FAF1: variants seen among roughly 807,000 people sequenced by gnomAD.
FAF1 encodes Fas associated factor 1.
A neutral mutation model predicts 92.5 loss-of-function variants in FAF1; 25 were observed. The observed-to-expected ratio is 0.27, with a 90% confidence interval of 0.20 to 0.38. The LOEUF is 0.38. Ranked by LOEUF, FAF1 falls within the 10% of genes least tolerant of loss-of-function variation. The pLI is 1.00. For missense variants in FAF1, 636 were observed against 793.3 expected (o/e 0.80, Z 2.38); for synonymous variants, 234 against 273.2 (o/e 0.86, Z 1.42).
intron 3 of FAF1, among the ~76,000 whole-genome samples, chr1:50,790,833 G>C (rs868856507): frequency 1.4e-3 from 208 of 151,826 alleles, no homozygotes; most frequent in African/African-American, 4.8e-3. Flanking sequence ...CTATTGCTTT[G>C]AACAGTGTTC....
At chr1:50,606,319 C>T (rs952154904) in intron 8 of FAF1, among the ~76,000 whole-genome samples, 5 of 151,768 alleles carry the variant, frequency 3.3e-5, no homozygotes, top group Admixed American at 6.6e-5. Flanking sequence ...TTTTCCATAC[C>T]AAAGATATCC....
intron 7 of FAF1, among the ~76,000 whole-genome samples, chr1:50,677,822 G>A (rs771889416): frequency 1.0e-4 from 15 of 150,088 alleles, no homozygotes; most frequent in Non-Finnish European, 2.2e-4. Flanking sequence ...TTGAACCCAG[G>A]AGGCGGAGGT....
chr1:50,566,015 A>T (rs1264550057), intron 13 of FAF1, among the ~76,000 whole-genome samples: 1 of 152,104 alleles, frequency 6.6e-6, no homozygotes, highest in Non-Finnish European at 1.5e-5. Context: ...AAACAAATAC[A>T]GGTGCTAAAG....
At chr1:50,516,938 G>A (rs1557977693) in intron 15 of FAF1, among the ~76,000 whole-genome samples, 1 of 152,112 alleles carries the variant, frequency 6.6e-6, no homozygotes, top group Non-Finnish European at 1.5e-5. Context: ...CTTTGTCTCA[G>A]TTACACCTGG....
At chr1:50,598,445 A>G (rs920557773) in intron 8 of FAF1, among the ~76,000 whole-genome samples, 1 of 150,688 alleles carries the variant, frequency 6.6e-6, no homozygotes, top group Non-Finnish European at 1.5e-5. Flanking sequence ...CTGGGTGATA[A>G]AGCAAGAACC....
At chr1:50,820,481 A>G (rs528364768) in intron 2 of FAF1, among the ~76,000 whole-genome samples, 3 of 152,190 alleles carry the variant, frequency 2.0e-5, no homozygotes, top group Non-Finnish European at 2.9e-5. Flanking sequence ...TTTTGTGTGC[A>G]TGTGTGTGTG....
chr1:50,840,295 C>T (rs1431046977), intron 2 of FAF1, among the ~76,000 whole-genome samples: 2 of 151,456 alleles, frequency 1.3e-5, no homozygotes, highest in African/African-American at 4.9e-5. Context: ...GTCAAAAGAC[C>T]CCACTAAGAA....
At chr1:50,594,963 T>G (rs940048427) in intron 9 of FAF1, among the ~76,000 whole-genome samples, 2 of 151,836 alleles carry the variant, frequency 1.3e-5, no homozygotes, top group African/African-American at 4.8e-5. Context: ...TTCAATCTTA[T>G]CTGCCCCTTC....
intron 18 of FAF1, chr1:50,452,284 C>G: frequency 1.9e-6 from 1 of 529,886 alleles, no homozygotes. Flanking sequence ...AAACTGGACA[C>G]AGGCAAATTC....
intron 15 of FAF1, among the ~76,000 whole-genome samples, chr1:50,506,565 A>G (rs569287395): frequency 6.6e-5 from 10 of 152,134 alleles, no homozygotes; most frequent in Non-Finnish European, 1.2e-4. Flanking sequence ...TCTGTACTAT[A>G]TTCACACTGT....
chr1:50,519,457 G>GGGAAGGAA (rs568388948), intron 15 of FAF1, among the ~76,000 whole-genome samples: 2 of 146,808 alleles, frequency 1.4e-5, no homozygotes, highest in South Asian at 2.2e-4. Flanking sequence ...GAAGGAGGGA[G>GGGAAGGAA]GGAAGGAAGG....
At chr1:50,924,311 T>C (rs1644987745) in intron 1 of FAF1, among the ~76,000 whole-genome samples, 4 of 148,362 alleles carry the variant, frequency 2.7e-5, no homozygotes, top group Admixed American at 2.7e-4. Context: ...ACCAATCCCA[T>C]TTACAATAGC....
intron 1 of FAF1, among the ~76,000 whole-genome samples, chr1:50,862,354 A>G (rs1000205027): frequency 2.6e-5 from 4 of 151,894 alleles, no homozygotes; most frequent in African/African-American, 9.7e-5. Context: ...AGCTAAAAGA[A>G]ATCAGAGGAA....
intron 6 of FAF1, among the ~76,000 whole-genome samples, chr1:50,736,497 C>G (rs549249051): frequency 1.3e-5 from 2 of 152,266 alleles, no homozygotes; most frequent in African/African-American, 4.8e-5. Context: ...CGCCTGTAAT[C>G]CCAGCACTTT....
intron 18 of FAF1, chr1:50,470,617 T>C (rs1257284816): frequency 1.3e-5 from 2 of 148,302 alleles, no homozygotes; most frequent in African/African-American, 5.3e-5. Flanking sequence ...TCTGCTTCTC[T>C]CTATTTAGTA....
At chr1:50,737,688 C>G (rs1659198237) in intron 6 of FAF1, among the ~76,000 whole-genome samples, 1 of 152,066 alleles carries the variant, frequency 6.6e-6, no homozygotes, top group African/African-American at 2.4e-5. Context: ...ATTAACAGAC[C>G]ATCCAATACA....
At chr1:50,619,070 T>C (rs927644025) in intron 8 of FAF1, among the ~76,000 whole-genome samples, 1 of 152,214 alleles carries the variant, frequency 6.6e-6, no homozygotes, top group Non-Finnish European at 1.5e-5. Context: ...TGCTCTATTA[T>C]GTTTTATTTC....
rs1646828362 is a variant in FAF1, at chr1:50,490,674, A to G, written c.1576-9T>C. 1 of 1,574,712 alleles carries G rather than the reference A, an allele frequency of 6.4e-7. No individual in the cohort carries two copies. The highest frequency in any genetic ancestry group is 1.3e-5 in the African/African-American group (1 of 74,106). Reference sequence around the variant, plus strand: ...CTCTCGTGAGCTTCCCTCTGTTGATAAAACAGAAAAGGAACAAGCACTTAA... The same window carrying G: ...CTCTCGTGAGCTTCCCTCTGTTGATGAAACAGAAAAGGAACAAGCACTTAA... On this transcript the variant is annotated splice_polypyrimidine_tract_variant and intron_variant, in intron 16 of 18. Transcript: ENST00000396153.
At position 50,706,044 on chromosome 1, in the gene FAF1, A is replaced by G. The variant is rs980019561; in HGVS notation, c.552-153T>C. The G allele has an allele frequency of 1.1e-5, 6 of 558,784 alleles. No homozygotes were observed. In the Admixed American group the frequency reaches 1.2e-4, roughly 11 times the overall value. 34.6% of individuals were successfully genotyped at this position (558,784 alleles called of 1,614,324 possible). On this transcript the variant is annotated intron_variant, in intron 6 of 18. Coordinates refer to ENST00000396153, the MANE Select transcript of FAF1 (RefSeq NM_007051.3). The stretch of plus-strand genomic sequence containing the variant: ...TATTTTCAGCTCCTAAAGGCAAGAG[A>G]ACACACTGAGAACAACCAAGGGGAG...
Sources: gnomAD v4.1 joint callset for allele counts (sites outside exome capture counted in the v4.1 genomes callset) on GRCh38, gnomAD v4.1.1 for gene constraint, MANE v1.5 for transcripts, NCBI Gene and HGNC (gene_info 2026-07-23, HGNC 2026-07-21) for gene names.